SEMA3A: variants seen among roughly 807,000 people sequenced by gnomAD.
SEMA3A encodes semaphorin-3A.
In SEMA3A, 29 loss-of-function variants were observed where a neutral mutation model predicts 97.9. The ratio of observed to expected loss-of-function variants is 0.30; its 90% CI spans 0.22 to 0.40. The LOEUF (loss-of-function observed/expected upper bound fraction) is 0.40, where lower values mean the gene tolerates loss of function less well. SEMA3A is among the 10% of genes least tolerant of loss of function. SEMA3A has a pLI of 1.00. For synonymous variants in SEMA3A, 321 were observed against 323.7 expected (o/e 0.99, Z 0.09); for missense variants, 763 against 951.3 (o/e 0.80, Z 2.60).
intron 6 of SEMA3A, among the ~76,000 whole-genome samples, chr7:84,022,542 C>T (rs935061914): frequency 3.9e-5 from 6 of 152,118 alleles, no homozygotes; most frequent in Admixed American, 6.5e-5. Flanking sequence ...TATCTTTCCA[C>T]GTGAAAATGT....
chr7:84,012,567 CA>C (rs1554393875), intron 7 of SEMA3A, among the ~76,000 whole-genome samples: 1 of 151,956 alleles, frequency 6.6e-6, no homozygotes, highest in Non-Finnish European at 1.5e-5. Flanking sequence ...AATACACATA[CA>C]AAAAATAGAT....
chr7:83,968,398 T>C (rs1269203706), intron 15 of SEMA3A, among the ~76,000 whole-genome samples: 1 of 152,230 alleles, frequency 6.6e-6, no homozygotes, highest in African/African-American at 2.4e-5. Context: ...TTTGATATGA[T>C]ATTGATTGCA....
chr7:84,391,293 A>G (rs1385355252), intron 1 of SEMA3A, among the ~76,000 whole-genome samples: 1 of 152,178 alleles, frequency 6.6e-6, no homozygotes, highest in African/African-American at 2.4e-5. Flanking sequence ...AGGCAAATAG[A>G]CAAGAACCTA....
At chr7:84,068,992 C>G (rs1016131758) in intron 4 of SEMA3A, among the ~76,000 whole-genome samples, 2 of 152,032 alleles carry the variant, frequency 1.3e-5, no homozygotes, top group African/African-American at 4.8e-5. Flanking sequence ...AATGTAATTC[C>G]TACCCAAATT....
intron 3 of SEMA3A, among the ~76,000 whole-genome samples, chr7:84,298,429 C>T (rs1800920462): frequency 6.6e-6 from 1 of 152,050 alleles, no homozygotes; most frequent in South Asian, 2.1e-4. Flanking sequence ...AAAGTGACCA[C>T]CTCAACATAA....
intron 1 of SEMA3A, among the ~76,000 whole-genome samples, chr7:84,445,274 G>A (rs1805380285): frequency 2.0e-5 from 3 of 151,376 alleles, no homozygotes; most frequent in South Asian, 2.1e-4. Context: ...GGCGGATCAC[G>A]AGTTCAGGAG....
At chr7:84,399,389 G>A (rs1803835064) in intron 1 of SEMA3A, among the ~76,000 whole-genome samples, 1 of 152,118 alleles carries the variant, frequency 6.6e-6, no homozygotes, top group African/African-American at 2.4e-5. Flanking sequence ...ATGAGCCCTG[G>A]TGCCACACTG....
chr7:84,009,409 T>G (rs1367441203), intron 9 of SEMA3A, among the ~76,000 whole-genome samples: 2 of 152,220 alleles, frequency 1.3e-5, no homozygotes, highest in African/African-American at 2.4e-5. Flanking sequence ...AATTTTTATG[T>G]GATTTTAAAA....
At chr7:84,443,590 C>G (rs143440552) in intron 1 of SEMA3A, among the ~76,000 whole-genome samples, 2 of 152,114 alleles carry the variant, frequency 1.3e-5, no homozygotes, top group South Asian at 2.1e-4. Context: ...GAAACTCTCA[C>G]GAAATTGCTC....
At chr7:84,208,167 G>A (rs1469257469) in intron 3 of SEMA3A, among the ~76,000 whole-genome samples, 1 of 152,080 alleles carries the variant, frequency 6.6e-6, no homozygotes, top group Non-Finnish European at 1.5e-5. Context: ...AGAATGGAAA[G>A]ACAAGCCTGG....
chr7:84,240,393 C>T (rs1408447134), intron 3 of SEMA3A, among the ~76,000 whole-genome samples: 1 of 150,438 alleles, frequency 6.6e-6, no homozygotes, highest in African/African-American at 2.5e-5. Flanking sequence ...CCCTAAATGT[C>T]ATCACAAATG....
At chr7:84,374,835 T>C (rs921337787) in intron 1 of SEMA3A, among the ~76,000 whole-genome samples, 8 of 152,196 alleles carry the variant, frequency 5.3e-5, no homozygotes, top group Non-Finnish European at 8.8e-5. Flanking sequence ...ATATAGGGAA[T>C]CAGAGGCTTA....
intron 2 of SEMA3A, among the ~76,000 whole-genome samples, chr7:84,358,088 C>G (rs996584463): frequency 1.3e-5 from 2 of 152,104 alleles, no homozygotes; most frequent in African/African-American, 4.8e-5. Context: ...CTGTAGGTTG[C>G]CTGTTCACAC....
At chr7:84,255,298 G>A (rs1008435509) in intron 3 of SEMA3A, among the ~76,000 whole-genome samples, 1 of 152,024 alleles carries the variant, frequency 6.6e-6, no homozygotes, top group African/African-American at 2.4e-5. Flanking sequence ...CTGTAAATTT[G>A]CTGTTCTCCT....
chr7:84,236,868 C>T (rs1327576002), intron 3 of SEMA3A, among the ~76,000 whole-genome samples: 1 of 151,944 alleles, frequency 6.6e-6, no homozygotes, highest in Admixed American at 6.6e-5. Flanking sequence ...TGTGAGTCAC[C>T]TTCATGATTG....
At chr7:84,403,251 C>A (rs1332628819) in intron 1 of SEMA3A, among the ~76,000 whole-genome samples, 2 of 152,208 alleles carry the variant, frequency 1.3e-5, no homozygotes, top group Non-Finnish European at 2.9e-5. Flanking sequence ...GAGATTATAT[C>A]CCACACATGG....
intron 3 of SEMA3A, among the ~76,000 whole-genome samples, chr7:84,266,633 T>G (rs1315856258): frequency 1.3e-5 from 2 of 151,904 alleles, no homozygotes; most frequent in Non-Finnish European, 2.9e-5. Flanking sequence ...AAAACATAAT[T>G]GAAAAGAAAC....
chr7:84,013,385 A>T (rs2012547851), intron 7 of SEMA3A, among the ~76,000 whole-genome samples: 1 of 152,216 alleles, frequency 6.6e-6, no homozygotes, highest in African/African-American at 2.4e-5. Context: ...CCACACAATA[A>T]GTGAAATACC....
At chr7:84,216,981 G>A (rs908123295) in intron 3 of SEMA3A, among the ~76,000 whole-genome samples, 3 of 152,110 alleles carry the variant, frequency 2.0e-5, no homozygotes, top group African/African-American at 4.8e-5. Flanking sequence ...GAATAGCAGC[G>A]GATATGCGAT....
Sources: allele counts gnomAD v4.1 joint callset (sites outside exome capture counted in the v4.1 genomes callset), GRCh38; gene constraint gnomAD v4.1.1; transcripts MANE v1.5; gene names NCBI Gene and HGNC (gene_info 2026-07-23, HGNC 2026-07-21).